Variants in ZNF407 observed in about 807,000 individuals in gnomAD.
ZNF407 encodes the protein zinc finger protein 407.
A neutral mutation model predicts 131.2 loss-of-function variants in ZNF407; 17 were observed. The ratio of observed to expected loss-of-function variants is 0.13; its 90% CI spans 0.09 to 0.19. ZNF407 has a LOEUF of 0.19. Among genes scored for constraint, ZNF407 ranks in the 10% least tolerant of loss-of-function variants. The pLI is 1.00. For synonymous variants in ZNF407, 1,156 were observed against 1,062.0 expected, an observed-to-expected ratio of 1.09 and a Z score of -1.72; for missense variants, 2,681 against 2,830.6, an observed-to-expected ratio of 0.95 and a Z score of 1.20.
At chr18:74,844,615 T>C (rs1970677756) in intron 4 of ZNF407, among the ~76,000 whole-genome samples, 1 of 152,218 alleles carries the variant, frequency 6.6e-6, no homozygotes, top group South Asian at 2.1e-4. Flanking sequence ...TTATCTTTTA[T>C]AAGAAATATT....
At chr18:74,714,875 G>A (rs181881502) in intron 3 of ZNF407, among the ~76,000 whole-genome samples, 36 of 152,212 alleles carry the variant, frequency 2.4e-4, no homozygotes, top group African/African-American at 8.7e-4. Context: ...CCCAAAGTTG[G>A]TAAATTTTTT....
intron 3 of ZNF407, among the ~76,000 whole-genome samples, chr18:74,670,872 C>T (rs866753992): frequency 1.2e-4 from 18 of 152,260 alleles, no homozygotes; most frequent in African/African-American, 3.9e-4. Flanking sequence ...TGCTGTGTTG[C>T]CCAGGCTGGT....
intron 3 of ZNF407, among the ~76,000 whole-genome samples, chr18:74,776,843 G>A (rs755982758): frequency 5.9e-5 from 9 of 152,306 alleles, no homozygotes; most frequent in South Asian, 2.1e-4. Flanking sequence ...TAGAGAAAAC[G>A]TTATTAAGAT....
chr18:74,966,355 G>A (rs1165805113), intron 8 of ZNF407, among the ~76,000 whole-genome samples: 1 of 152,158 alleles, frequency 6.6e-6, no homozygotes, highest in Non-Finnish European at 1.5e-5. Flanking sequence ...GTGAGAAATA[G>A]GGGTCTAGTT....
At chr18:74,861,533 A>T (rs1185599228) in intron 4 of ZNF407, among the ~76,000 whole-genome samples, 1 of 152,242 alleles carries the variant, frequency 6.6e-6, no homozygotes, top group Non-Finnish European at 1.5e-5. Context: ...CAACTAAAAG[A>T]ATAGACAACA....
intron 8 of ZNF407, among the ~76,000 whole-genome samples, chr18:74,983,772 A>G (rs1972620530): frequency 6.6e-6 from 1 of 152,222 alleles, no homozygotes; most frequent in Non-Finnish European, 1.5e-5. Flanking sequence ...TTTCCTCAGC[A>G]TGCTAGTGAC....
Position 74,635,694 on chromosome 18 carries a change from C to T in ZNF407, c.4675C>T (p.Arg1559Cys), listed in dbSNP as rs1252889842. Residue 1559 changes from arginine to cysteine, a missense_variant, in exon 2 of 9, where the codon CGC becomes TGC. Physicochemically the swap from Arg to Cys is radical, Grantham distance 180. Transcript: ENST00000299687. The surrounding 1 kb of genome is among the most constrained non-coding windows in gnomAD (Gnocchi z 4.7). ...SNSMAFLAHI[R>C]THTGSKPFKC... is the part of the protein sequence containing the mutation. ...CTCGATGGCCTTCCTGGCACACATT[C>T]GCACTCACACAGGTATGTAGCTCTG... 1.9e-6 allele frequency: 3 copies of T among 1,587,958 alleles called. No individual in the cohort carries two copies. The highest frequency in any genetic ancestry group is 1.2e-5 in the South Asian group (1 of 85,640).
chr18:74,938,494 TA>T (rs1972063490), intron 8 of ZNF407, among the ~76,000 whole-genome samples: 1 of 152,224 alleles, frequency 6.6e-6, no homozygotes, highest in Admixed American at 6.5e-5. Context: ...TAGATCGTCT[TA>T]ATTTTTTTTT....
chr18:74,953,682 T>C (rs902778755), intron 8 of ZNF407, among the ~76,000 whole-genome samples: 2 of 152,246 alleles, frequency 1.3e-5, no homozygotes, highest in African/African-American at 4.8e-5. Flanking sequence ...TGAAAATATG[T>C]AAATATAGTT....
intron 3 of ZNF407, among the ~76,000 whole-genome samples, chr18:74,759,238 G>A (rs1307497967): frequency 6.6e-6 from 1 of 152,062 alleles, no homozygotes; most frequent in African/African-American, 2.4e-5. Context: ...TGTAATGGAT[G>A]ACTGACTTGA....
intron 8 of ZNF407, among the ~76,000 whole-genome samples, chr18:74,984,760 G>C (rs991168045): frequency 1.3e-5 from 2 of 152,196 alleles, no homozygotes; most frequent in Non-Finnish European, 2.9e-5. Flanking sequence ...AAGCAAAGAC[G>C]ATCCACTCTG....
At chr18:74,914,998 C>T (rs1238384865) in intron 7 of ZNF407, among the ~76,000 whole-genome samples, 1 of 152,190 alleles carries the variant, frequency 6.6e-6, no homozygotes, top group East Asian at 1.9e-4. Context: ...TTAAAGTATA[C>T]ATGTAACCCT....
chr18:74,723,467 A>C (rs144287919), intron 3 of ZNF407, among the ~76,000 whole-genome samples: 1 of 152,342 alleles, frequency 6.6e-6, no homozygotes, highest in East Asian at 1.9e-4. Context: ...CTTGATTAGC[A>C]TCAAATAGCA....
chr18:74,716,895 A>G (rs1215957049), intron 3 of ZNF407, among the ~76,000 whole-genome samples: 1 of 152,204 alleles, frequency 6.6e-6, no homozygotes, highest in Admixed American at 6.5e-5. Context: ...TGCCTACTTA[A>G]TGCTTTCTGT....
In ZNF407 at chr18:74,820,813, G is replaced by A. The variant is rs113901198; in HGVS notation, c.4877+39311G>A. Among the ~76,000 whole-genome samples, 903 of 152,216 alleles carry A rather than the reference G, an allele frequency of 5.9e-3. 5 individuals carry two copies. Among genetic ancestry groups the A allele is most frequent in the African/African-American group, 0.02 (827 of 41,536 alleles). ...AGAAGTCTATGATGGAAGATGTCAC[G>A]AAAATGGGGCATCACCTATGCCGTG... On this transcript the variant is annotated intron_variant, in intron 4 of 8. Transcript: ENST00000299687.
intron 3 of ZNF407, among the ~76,000 whole-genome samples, chr18:74,707,609 C>G (rs1700514988): frequency 6.6e-6 from 1 of 152,156 alleles, no homozygotes; most frequent in Admixed American, 6.5e-5. Context: ...AGATGCTCAG[C>G]TTGTATTTCA....
intron 3 of ZNF407, among the ~76,000 whole-genome samples, chr18:74,737,171 T>G (rs1343583728): frequency 6.6e-6 from 1 of 152,248 alleles, no homozygotes; most frequent in Non-Finnish European, 1.5e-5. Flanking sequence ...TATAATTTAT[T>G]TATTCAAGAA....
chr18:74,886,711 T>C (rs766384797), intron 6 of ZNF407, among the ~76,000 whole-genome samples: 3 of 152,170 alleles, frequency 2.0e-5, no homozygotes, highest in Non-Finnish European at 4.4e-5. Flanking sequence ...AATATAATAG[T>C]GACAGAAAGC....
intron 4 of ZNF407, among the ~76,000 whole-genome samples, chr18:74,829,195 G>T (rs930107310): frequency 2.6e-5 from 4 of 152,204 alleles, no homozygotes; most frequent in African/African-American, 9.6e-5. Context: ...AATAGAGATG[G>T]TCTTTTGACA....
Sources: allele counts gnomAD v4.1 joint callset (sites outside exome capture counted in the v4.1 genomes callset), GRCh38; gene constraint gnomAD v4.1.1; non-coding constraint Gnocchi (gnomAD v3.1); transcripts MANE v1.5; gene names NCBI Gene and HGNC (gene_info 2026-07-23, HGNC 2026-07-21).